The following CDC42BPB variants were observed in gnomAD, a reference collection of about 807,000 sequenced individuals.
CDC42BPB encodes the protein serine/threonine-protein kinase MRCK beta.
In CDC42BPB, 37 loss-of-function variants were observed where a neutral mutation model predicts 214.9. The observed-to-expected ratio is 0.17, with a 90% CI of 0.13 to 0.23. The LOEUF (loss-of-function observed/expected upper bound fraction) is 0.23. Among genes scored for constraint, CDC42BPB ranks in the 10% least tolerant of loss-of-function variants. The pLI is 1.00. For synonymous variants in CDC42BPB, 931 were observed against 884.0 expected, an observed-to-expected ratio of 1.05 and a Z score of -0.94; for missense variants, 1,694 against 2,227.0, an observed-to-expected ratio of 0.76 and a Z score of 4.82.
chr14:102,935,814 A>G (rs78396662), intron 36 of CDC42BPB, among the ~76,000 whole-genome samples: 5,072 of 151,966 alleles, frequency 0.033, 129 homozygotes, highest in Non-Finnish European at 0.051. Flanking sequence ...GTAAATAACG[A>G]CAACCCATAG....
At chr14:103,048,205 T>C (rs1888402917) in intron 1 of CDC42BPB, among the ~76,000 whole-genome samples, 1 of 152,000 alleles carries the variant, frequency 6.6e-6, no homozygotes, top group African/African-American at 2.4e-5. Flanking sequence ...GAGTTCTAGT[T>C]AAAAGCCTGG....
chr14:102,950,771 G>T, intron 24 of CDC42BPB, 169 bp from the exon 25 acceptor site: 1 of 753,316 alleles, frequency 1.3e-6, no homozygotes, highest in Non-Finnish European at 1.6e-6. Context: ...TTTGAGACCA[G>T]CCTGGCCAAC....
intron 12 of CDC42BPB, 47 bp downstream of exon 12, chr14:102,973,969 T>G: frequency 4.5e-6 from 7 of 1,562,814 alleles, no homozygotes; most frequent in Non-Finnish European, 6.1e-6. Context: ...CTTACAGAAT[T>G]CTGCAAAGTC....
chr14:102,933,900 C>T (rs761440584), intron 36 of CDC42BPB, 57 bp from the exon 37 acceptor site: 102 of 1,462,190 alleles, frequency 7.0e-5, no homozygotes, highest in South Asian at 4.7e-4. Flanking sequence ...GGGAGGCACG[C>T]GTGCCCAGCT....
Position 102,938,398 on chromosome 14 carries a change from G to A in CDC42BPB, c.4841C>T (p.Pro1614Leu), listed in dbSNP as rs781501373. 11 of 1,550,322 alleles carry A rather than the reference G, an allele frequency of 7.1e-6. No individual in the cohort carries two copies. Among genetic ancestry groups the A allele is most frequent in the African/African-American group, 1.4e-5 (1 of 72,580 alleles). The change falls in exon 35 of 37, where the codon CCC becomes CTC. Residue 1614 changes from proline to leucine, a missense_variant. This residue lies in a region of CDC42BPB where 146 missense variants were observed against 134.1 expected (regional missense o/e 1.09). Coordinates refer to ENST00000361246, the MANE Select transcript of CDC42BPB (RefSeq NM_006035.4). Reference protein sequence around the residue: ...LMDLPLSAVPPSQEERPGPAP... With the variant: ...LMDLPLSAVPLSQEERPGPAP... Reference sequence around the variant, plus strand: ...GGGGCCCGGCCTTTCCTCCTGGGAGGGGGGCACAGCACTCTGGGCAGAAAT... The same window carrying A: ...GGGGCCCGGCCTTTCCTCCTGGGAGAGGGGCACAGCACTCTGGGCAGAAAT...
chr14:102,987,788 AACACACACACAC>A (rs57579935), intron 5 of CDC42BPB, among the ~76,000 whole-genome samples: 23 of 140,848 alleles, frequency 1.6e-4, no homozygotes, highest in East Asian at 1.0e-3. Flanking sequence ...CAAACACACA[AACACACACACAC>A]ACACACACAC....
intron 5 of CDC42BPB, among the ~76,000 whole-genome samples, chr14:102,994,921 C>T (rs1894657754): frequency 6.6e-6 from 1 of 152,188 alleles, no homozygotes; most frequent in Admixed American, 6.5e-5. Context: ...CACAGTCCAC[C>T]ACCTGGGGTG....
At chr14:102,950,666 T>A (rs1489569976) in intron 24 of CDC42BPB, 64 bp from the exon 25 acceptor site, 2 of 1,441,056 alleles carry the variant, frequency 1.4e-6, no homozygotes, top group East Asian at 5.4e-5. Context: ...CTGCAGAACC[T>A]ATGCCCTGAG....
chr14:103,038,003 TG>T (rs1473903609), intron 1 of CDC42BPB, among the ~76,000 whole-genome samples: 1 of 146,904 alleles, frequency 6.8e-6, no homozygotes, highest in Non-Finnish European at 1.5e-5. Context: ...CCCTCCAGCC[TG>T]GGCAACAGAG....
chr14:102,989,135 C>T (rs1316883584), intron 5 of CDC42BPB, among the ~76,000 whole-genome samples: 1 of 152,026 alleles, frequency 6.6e-6, no homozygotes, highest in Non-Finnish European at 1.5e-5. Flanking sequence ...AACTCACATA[C>T]ACACACACAA....
chr14:103,041,407 C>CAA, intron 1 of CDC42BPB: 1 of 639,412 alleles, frequency 1.6e-6, no homozygotes, highest in Non-Finnish European at 2.6e-6. Flanking sequence ...GATATGACAG[C>CAA]AAAAAAAACA....
chr14:103,041,546 C>T (rs1887994744), intron 1 of CDC42BPB: 2 of 1,352,704 alleles, frequency 1.5e-6, no homozygotes, highest in Non-Finnish European at 2.1e-6. Context: ...ATGGTTCAAC[C>T]AGCCGGCCCG....
intron 1 of CDC42BPB, among the ~76,000 whole-genome samples, chr14:103,047,839 G>T (rs977967705): frequency 2.8e-4 from 42 of 150,270 alleles, no homozygotes; most frequent in African/African-American, 9.9e-4. Context: ...GGAGGTGGAG[G>T]TTGCAGTGAG....
chr14:103,018,457 C>T (rs1886587809), intron 1 of CDC42BPB, among the ~76,000 whole-genome samples: 1 of 152,184 alleles, frequency 6.6e-6, no homozygotes, highest in Non-Finnish European at 1.5e-5. Flanking sequence ...GCCACCACCG[C>T]CCCATTAAGA....
intron 26 of CDC42BPB, 187 bp from the exon 27 acceptor site, chr14:102,947,989 T>A (rs1892263582): frequency 1.0e-6 from 1 of 983,194 alleles, no homozygotes; most frequent in Non-Finnish European, 1.2e-6. Context: ...CTCTGGCAGG[T>A]GTTTCAGGGC....
In CDC42BPB at chr14:102,971,985, C is replaced by A; in HGVS notation, c.1818G>T (p.Glu606Asp). The A allele has an allele frequency of 6.2e-7, 1 of 1,614,258 alleles. No homozygotes were observed. The highest frequency in any genetic ancestry group is 1.1e-5 in the South Asian group (1 of 91,090). Residue 606 changes from glutamate to aspartate, a missense_variant, in exon 13 of 37, where the codon GAG becomes GAT. Coordinates refer to ENST00000361246, the MANE Select transcript of CDC42BPB (RefSeq NM_006035.4). ...RQLRDKEEEM[E>D]VATQKVDAMR... ...TGGCGTCCACCTTCTGCGTGGCCAC[C>A]TCCATCTCCTCCTCCTTGTCTCGCA...
At chr14:102,991,036 T>C (rs1205165045) in intron 5 of CDC42BPB, among the ~76,000 whole-genome samples, 4 of 152,200 alleles carry the variant, frequency 2.6e-5, no homozygotes, top group African/African-American at 9.6e-5. Context: ...TAGGCAAAAT[T>C]CATTAATGGG....
At chr14:103,019,391 A>G (rs1040769450) in intron 1 of CDC42BPB, among the ~76,000 whole-genome samples, 1 of 152,164 alleles carries the variant, frequency 6.6e-6, no homozygotes, top group Non-Finnish European at 1.5e-5. Flanking sequence ...CCACAGCGTC[A>G]GCCATGGCAC....
At chr14:103,010,539 G>A (rs17101161) in intron 2 of CDC42BPB, among the ~76,000 whole-genome samples, 12,402 of 152,196 alleles carry the variant, frequency 0.081, 746 homozygotes, top group African/African-American at 0.17. Context: ...GAAAATGCAC[G>A]CCCTGCACAG....
Sources: gnomAD v4.1 joint callset for allele counts (sites outside exome capture counted in the v4.1 genomes callset) on GRCh38, gnomAD v4.1.1 for gene constraint, gnomAD v4.1.1 regional missense constraint, MANE v1.5 for transcripts, NCBI Gene and HGNC (gene_info 2026-07-23, HGNC 2026-07-21) for gene names.